Variants in ATAD3A observed in about 807,000 individuals in gnomAD.
The protein encoded by ATAD3A is ATPase family AAA domain-containing protein 3A.
A neutral mutation model predicts 73.8 loss-of-function variants in ATAD3A; 46 were observed. That is an observed-to-expected ratio of 0.62 (90% CI 0.49 to 0.80). The LOEUF is 0.80. Ranked by LOEUF, ATAD3A falls within the 30% of genes least tolerant of loss-of-function variation. The pLI, the probability that ATAD3A is intolerant of heterozygous loss-of-function variation, is 0.00. For synonymous variants in ATAD3A, 319 were observed against 350.0 expected, an observed-to-expected ratio of 0.91 and a Z score of 0.99; for missense variants, 705 against 838.0, an observed-to-expected ratio of 0.84 and a Z score of 1.96.
chr1:1,531,941 A>G (rs1642048239), intron 15 of ATAD3A, among the ~76,000 whole-genome samples: 1 of 151,878 alleles, frequency 6.6e-6, no homozygotes, highest in Non-Finnish European at 1.5e-5. Flanking sequence ...GTGAGCCACC[A>G]TGCACGGCAT....
chr1:1,516,356 C>T (rs898816076), intron 2 of ATAD3A, among the ~76,000 whole-genome samples: 7 of 152,072 alleles, frequency 4.6e-5, no homozygotes, highest in African/African-American at 7.2e-5. Context: ...GGCGTCTGGT[C>T]GTCCGGATGG....
At position 1,520,599 on chromosome 1, in the gene ATAD3A, G is replaced by C. The variant is rs753108433; in HGVS notation, c.732G>C (p.Trp244Cys). The C allele has an allele frequency of 8.1e-6, 13 of 1,613,628 alleles. No individual in the cohort carries two copies. Among genetic ancestry groups the C allele is most frequent in the Admixed American group, 1.7e-5 (1 of 60,020 alleles). ...GATTCCGTGCCTTTGTGACAGACTGGGACAAAGTGACAGCCACGGTAAACA... is the reference window on the plus strand; with the variant it reads ...GATTCCGTGCCTTTGTGACAGACTGCGACAAAGTGACAGCCACGGTAAACA... ...GEGFRAFVTD[W>C]DKVTATVAGL... Residue 244 changes from tryptophan (W) to cysteine (C), a missense_variant, in exon 7 of 16, where the codon TGG (tryptophan) becomes TGC (cysteine). Around this residue, in one of 5 missense-constraint regions of ATAD3A, gnomAD observed 315 missense variants for 334.1 expected, o/e 0.94. Transcript: ENST00000378756. The surrounding 1 kb of genome is among the most constrained non-coding windows in gnomAD (Gnocchi z 4.0).
At position 1,512,430 on chromosome 1, in the gene ATAD3A, C is replaced by T; in HGVS notation, c.162C>T (p.Gly54=). ...KDKWSNFDPT[G]LERAAKAARE... ...AATGGAGCAACTTCGACCCCACCGGCCTGGAGCGCGCCGCCAAGGCGGCGC... is the reference window on the plus strand; with the variant it reads ...AATGGAGCAACTTCGACCCCACCGGTCTGGAGCGCGCCGCCAAGGCGGCGC... The change falls in exon 1 of 16, where the codon GGC becomes GGT. Residue 54 remains glycine, a synonymous_variant. Transcript: ENST00000378756. 2 of 1,226,482 alleles carry T rather than the reference C, an allele frequency of 1.6e-6. No individual in the cohort carries two copies. The highest frequency in any genetic ancestry group is 3.4e-5 in the East Asian group (1 of 29,326). The allele number at this position is 1,226,482 out of a possible 1,614,324, so 76.0% of individuals were successfully genotyped here.
rs982712511 is a variant in ATAD3A, at chr1:1,523,546, G to A, written c.942G>A (p.Ala314=). 7 of 1,612,816 alleles carry A rather than the reference G, an allele frequency of 4.3e-6. No individual in the cohort carries two copies. The highest frequency in any genetic ancestry group is 3.3e-5 in the Admixed American group (2 of 59,960). Residue 314 remains alanine (A), a synonymous_variant, in exon 9 of 16, where the codon GCG becomes GCA. Transcript: ENST00000378756. The surrounding 1 kb of genome is among the most constrained non-coding windows in gnomAD (Gnocchi z 5.1). ...SRRLLSRPQD[A]LEGVVLSPSL... is the part of the protein sequence containing the mutation. ...GGCTCCTCAGTCGACCCCAGGACGCGCTGGAGGGTGTTGTGCTCAGTGTAA... is the reference window on the plus strand; with the variant it reads ...GGCTCCTCAGTCGACCCCAGGACGCACTGGAGGGTGTTGTGCTCAGTGTAA...
At chr1:1,516,593 A>G (rs1372108659) in intron 2 of ATAD3A, among the ~76,000 whole-genome samples, 1 of 151,848 alleles carries the variant, frequency 6.6e-6, no homozygotes, top group Non-Finnish European at 1.5e-5. Flanking sequence ...TTATATTTTT[A>G]GTAGAGTCGG....
At chr1:1,525,623 C>G (rs182629583) in intron 12 of ATAD3A, among the ~76,000 whole-genome samples, 150 of 152,212 alleles carry the variant, frequency 9.9e-4, no homozygotes, top group South Asian at 9.3e-3. Context: ...ACCGTGTTAG[C>G]CAGGATGGTC....
chr1:1,527,789 CAGG>C lies in ATAD3A; in HGVS notation c.1437_1439del (p.Glu480del). On this transcript the variant is annotated inframe_deletion, in exon 14 of 16. Transcript: ENST00000378756. ...GATGGTCCACTTCGACCTGCCAGGG[CAGG>C]AGGAACGGGAGCGCCTGGTGAGAAT... is the stretch of plus-strand genomic sequence containing the variant. 1 of 1,614,020 alleles carries C rather than the reference CAGG, an allele frequency of 6.2e-7. No homozygotes were observed. Among genetic ancestry groups the C allele is most frequent in the Non-Finnish European group, 8.5e-7 (1 of 1,179,978 alleles).
At chr1:1,531,033 C>T (rs1284805900) in intron 15 of ATAD3A, among the ~76,000 whole-genome samples, 1 of 152,080 alleles carries the variant, frequency 6.6e-6, no homozygotes, top group Non-Finnish European at 1.5e-5. Context: ...TGGTGTATGC[C>T]TGTAGTCCCA....
In ATAD3A at chr1:1,515,965, G is replaced by A. The variant is rs750241366; in HGVS notation, c.206-47G>A. 3.7e-6 allele frequency: 6 copies of A among 1,609,004 alleles called. No homozygotes were observed. In the African/African-American group the frequency reaches 4.0e-5, roughly 11 times the overall value. On this transcript the variant is annotated intron_variant, in intron 1 of 15. Transcript: ENST00000378756. Reference sequence around the variant, plus strand: ...GGCTGGTGTGCGTGCCTGCCCAGCGGCATCCGTGTATCCTAACACCTGCCC... The same window carrying A: ...GGCTGGTGTGCGTGCCTGCCCAGCGACATCCGTGTATCCTAACACCTGCCC...
chr1:1,529,977 C>G (rs1459787900), intron 15 of ATAD3A, among the ~76,000 whole-genome samples: 1 of 152,250 alleles, frequency 6.6e-6, no homozygotes, highest in Non-Finnish European at 1.5e-5. Context: ...GGCATCACCA[C>G]CTCTGGGGTC....
intron 11 of ATAD3A, among the ~76,000 whole-genome samples, chr1:1,524,672 C>G (rs1475165336): frequency 1.5e-5 from 2 of 134,058 alleles, no homozygotes; most frequent in Non-Finnish European, 3.0e-5. Context: ...GGAGTCTTCA[C>G]AGCTGCAGGG....
In ATAD3A at chr1:1,523,363, C is replaced by T. The variant is rs1483175718; in HGVS notation, c.907-148C>T. 39 of 1,333,300 alleles carry T rather than the reference C, an allele frequency of 2.9e-5. No individual in the cohort carries two copies. In the South Asian group the frequency reaches 3.0e-4, roughly 10 times the overall value. The allele number at this position is 1,333,300 out of a possible 1,614,324, so 82.6% of individuals were successfully genotyped here. On this transcript the variant is annotated intron_variant, in intron 8 of 15. Coordinates refer to ENST00000378756, the MANE Select transcript of ATAD3A (RefSeq NM_001170535.3). The surrounding 1 kb of genome is among the most constrained non-coding windows in gnomAD (Gnocchi z 5.1). ...CAGCAATAGCCGCCTGGTCTCCGGG[C>T]GGGGCAGGGTTCCAGCTCCGGGCCG...
chr1:1,530,438 G>A (rs1557479523), intron 15 of ATAD3A, among the ~76,000 whole-genome samples: 1 of 152,222 alleles, frequency 6.6e-6, no homozygotes. Flanking sequence ...GGAGGCTGAG[G>A]TGGGAGGATC....
At position 1,524,464 on chromosome 1, in the gene ATAD3A, G is replaced by A. The variant is rs1641729938; in HGVS notation, c.1214+67G>A. The A allele has an allele frequency of 2.1e-6, 3 of 1,438,608 alleles. No homozygotes were observed. The South Asian group carries it at 3.8e-5, about 18-fold the overall frequency. The allele number at this position is 1,438,608 out of a possible 1,614,324, so 89.1% of individuals were successfully genotyped here. On this transcript the variant is annotated intron_variant, in intron 11 of 15. Coordinates refer to ENST00000378756, the MANE Select transcript of ATAD3A (RefSeq NM_001170535.3). ...CCCAGCAGGCTGCCTTCTGGGAAGG[G>A]GGTCCAGGTGTCTCTTGGGGACCCT...
intron 13 of ATAD3A, among the ~76,000 whole-genome samples, chr1:1,527,004 G>T (rs1240848228): frequency 6.6e-6 from 1 of 152,160 alleles, no homozygotes; most frequent in Non-Finnish European, 1.5e-5. Context: ...GCTGGCCAAG[G>T]GTGCACCCTC....
At chr1:1,531,569 C>G (rs1002060330) in intron 15 of ATAD3A, among the ~76,000 whole-genome samples, 53 of 151,186 alleles carry the variant, frequency 3.5e-4, no homozygotes, top group Admixed American at 2.9e-3. Flanking sequence ...GTCAGGAAAT[C>G]AAGACCATCC....
intron 7 of ATAD3A, among the ~76,000 whole-genome samples, 196 bp from the exon 8 acceptor site, chr1:1,522,548 G>A (rs61226390): frequency 0.023 from 3,456 of 152,278 alleles, 126 homozygotes; most frequent in African/African-American, 0.078. Flanking sequence ...TGAGGGCGCT[G>A]TGACTGCCCC....
rs1296891233 is a variant in ATAD3A at position 1,523,072 on chromosome 1, C to T, written c.906+173C>T. Among the ~76,000 whole-genome samples the T allele has an allele frequency of 6.6e-6, 1 of 151,900 alleles. No homozygotes were observed. The highest frequency in any genetic ancestry group is 2.4e-5 in the African/African-American group (1 of 41,226). On this transcript the variant is annotated intron_variant, in intron 8 of 15. Transcript: ENST00000378756. This position sits in a 1 kb window ranked among gnomAD's most constrained non-coding sequence, Gnocchi z 5.1. ...TCTGGCGCTGTACCTTAGGGGTCTG[C>T]ATCAGTGAGACCCTTCCCCTGTCTG... is the stretch of plus-strand genomic sequence containing the variant.
chr1:1,520,036 T>G lies in ATAD3A; in HGVS notation c.515-105T>G, dbSNP rs997332738. On this transcript the variant is annotated intron_variant, in intron 5 of 15. Transcript: ENST00000378756. This position sits in a 1 kb window ranked among gnomAD's most constrained non-coding sequence, Gnocchi z 4.0. ...CATGGGCCTGTCTGTGGCGTTGGTC[T>G]GTCCGTGGCGTGGGCCGGTCCGTGG... 1 of 1,496,638 alleles carries G rather than the reference T, an allele frequency of 6.7e-7. No homozygotes were observed. Among genetic ancestry groups the G allele is most frequent in the South Asian group, 1.3e-5 (1 of 76,676 alleles). 92.7% of individuals were successfully genotyped at this position (1,496,638 alleles called of 1,614,324 possible).
Sources: allele counts gnomAD v4.1 joint callset (sites outside exome capture counted in the v4.1 genomes callset), GRCh38; gene constraint gnomAD v4.1.1; regional missense constraint gnomAD v4.1.1; non-coding constraint Gnocchi (gnomAD v3.1); transcripts MANE v1.5; gene names NCBI Gene and HGNC (gene_info 2026-07-23, HGNC 2026-07-21).